The following SGIP1 variants were observed in gnomAD, a reference collection of about 807,000 sequenced individuals.
SGIP1 encodes SH3GL interacting endocytic adaptor 1.
SGIP1 carries 38 observed loss-of-function variants against 107.5 expected under a neutral mutation model. That is an observed-to-expected ratio of 0.35 (90% CI 0.27 to 0.46). SGIP1 has a LOEUF of 0.46. Ranked by LOEUF, SGIP1 falls within the 20% of genes least tolerant of loss-of-function variation. The pLI, the probability that SGIP1 is intolerant of heterozygous loss-of-function variation, is 1.00. For synonymous variants in SGIP1, 365 were observed against 366.1 expected, an observed-to-expected ratio of 1.00 and a Z score of 0.03; for missense variants, 929 against 1,019.5, an observed-to-expected ratio of 0.91 and a Z score of 1.21.
chr1:66,601,304 G>T (rs1463310521), intron 1 of SGIP1, among the ~76,000 whole-genome samples: 1 of 152,164 alleles, frequency 6.6e-6, no homozygotes, highest in East Asian at 1.9e-4. Flanking sequence ...GGCGGAGCTT[G>T]CAGTGAGCCG....
intron 1 of SGIP1, among the ~76,000 whole-genome samples, chr1:66,601,663 C>T (rs765351567): frequency 3.9e-5 from 6 of 152,028 alleles, no homozygotes; most frequent in Non-Finnish European, 7.4e-5. Flanking sequence ...AAAACATGTT[C>T]CACTGGACCC....
intron 8 of SGIP1, among the ~76,000 whole-genome samples, chr1:66,661,385 C>G (rs1438684287): frequency 1.3e-5 from 2 of 152,118 alleles, no homozygotes; most frequent in African/African-American, 4.8e-5. Context: ...TTATGCTTCC[C>G]GCTGACCAAA....
At chr1:66,686,449 G>T (rs2088300174) in intron 15 of SGIP1, among the ~76,000 whole-genome samples, 1 of 152,014 alleles carries the variant, frequency 6.6e-6, no homozygotes, top group African/African-American at 2.4e-5. Context: ...TCATTTTCCA[G>T]CATTGTTCTG....
intron 1 of SGIP1, among the ~76,000 whole-genome samples, chr1:66,561,441 C>G (rs10493411): frequency 0.14 from 21,880 of 151,962 alleles, 1,994 homozygotes; most frequent in East Asian, 0.32. Context: ...TACTCTATAT[C>G]AGAAAATGTG....
chr1:66,694,304 G>A, intron 17 of SGIP1: 3 of 656,362 alleles, frequency 4.6e-6, no homozygotes, highest in East Asian at 3.0e-5. Flanking sequence ...CATAATTCCA[G>A]TGTTTTCAGT....
chr1:66,677,731 T>A (rs1364238754), intron 13 of SGIP1, among the ~76,000 whole-genome samples: 1 of 152,218 alleles, frequency 6.6e-6, no homozygotes, highest in Non-Finnish European at 1.5e-5. Flanking sequence ...GGATTGTTCA[T>A]CAGGTAAAGC....
At position 66,577,242 on chromosome 1, in the gene SGIP1, G is replaced by A. The variant is rs545794277; in HGVS notation, c.10+42874G>A. The stretch of plus-strand genomic sequence containing the variant: ...GAAGGCCTTTCTTGGTCTCTGTTCT[G>A]GACCTCCTTTCCCACTCAGTTCATG... On this transcript the variant is annotated intron_variant, in intron 1 of 24. Coordinates refer to ENST00000371037, the MANE Select transcript of SGIP1 (RefSeq NM_032291.4). 9.2e-5 allele frequency among the ~76,000 whole-genome samples: 14 copies of A among 152,114 alleles called. No homozygotes were observed. In the South Asian group the frequency reaches 2.7e-3, roughly 29 times the overall value.
At chr1:66,742,626 C>T (rs1228035878) in intron 24 of SGIP1, among the ~76,000 whole-genome samples, 2 of 150,096 alleles carry the variant, frequency 1.3e-5, no homozygotes, top group South Asian at 2.1e-4. Flanking sequence ...CCCACCACCA[C>T]GCCCGGCTAA....
intron 1 of SGIP1, among the ~76,000 whole-genome samples, chr1:66,621,155 C>T (rs531360209): frequency 6.6e-6 from 1 of 152,298 alleles, no homozygotes; most frequent in African/African-American, 2.4e-5. Context: ...ACTTCTGATA[C>T]ATGAGTGAGA....
chr1:66,666,606 A>G (rs1424398027), intron 8 of SGIP1: 1 of 152,544 alleles, frequency 6.6e-6, no homozygotes, highest in African/African-American at 2.4e-5. Flanking sequence ...ATCCATGAGC[A>G]TGGAATGTTC....
At chr1:66,570,790 T>A (rs1384946866) in intron 1 of SGIP1, among the ~76,000 whole-genome samples, 1 of 151,936 alleles carries the variant, frequency 6.6e-6, no homozygotes, top group Non-Finnish European at 1.5e-5. Context: ...AAACTTGTAG[T>A]AAATTTCCAG....
chr1:66,574,159 T>A (rs370207609), intron 1 of SGIP1, among the ~76,000 whole-genome samples: 2 of 152,086 alleles, frequency 1.3e-5, no homozygotes, highest in East Asian at 3.9e-4. Flanking sequence ...ATCTCTAAGA[T>A]CTCAGAGTCC....
chr1:66,705,066 G>C (rs2092366948), intron 18 of SGIP1, among the ~76,000 whole-genome samples: 1 of 152,160 alleles, frequency 6.6e-6, no homozygotes, highest in Admixed American at 6.5e-5. Context: ...ATTAACATAA[G>C]TCACTGTCCT....
chr1:66,636,882 C>T (rs566892007), intron 4 of SGIP1, among the ~76,000 whole-genome samples: 1 of 152,186 alleles, frequency 6.6e-6, no homozygotes, highest in Non-Finnish European at 1.5e-5. Flanking sequence ...ATCTATTTAG[C>T]CCATCATGTT....
At position 66,738,839 on chromosome 1, in the gene SGIP1, T is replaced by G. The variant is rs539362711; in HGVS notation, c.2032-496T>G. On this transcript the variant is annotated intron_variant, in intron 21 of 24. Transcript: ENST00000371037. Reference sequence around the variant, plus strand: ...ATAGGTGACATTTATCAAAATGTATTCCTAGTGTGTGCTAGGCATCCTGCT... The same window carrying G: ...ATAGGTGACATTTATCAAAATGTATGCCTAGTGTGTGCTAGGCATCCTGCT... Among the ~76,000 whole-genome samples, 17 of 152,332 alleles carry G rather than the reference T, an allele frequency of 1.1e-4. No individual in the cohort carries two copies. The South Asian group carries it at 2.3e-3, about 20-fold the overall frequency.
rs550648854 is a variant in SGIP1 at position 66,746,597 on chromosome 1, C to T, written c.*3502C>T. The T allele has an allele frequency of 1.4e-4, 21 of 152,216 alleles. No individual in the cohort carries two copies. The East Asian group carries it at 4.1e-3, about 29-fold the overall frequency. The allele number at this position is 152,216 out of a possible 1,614,324, so 9.4% of individuals were successfully genotyped here. On this transcript the variant is annotated 3_prime_UTR_variant, in exon 25 of 25. Coordinates refer to ENST00000371037, the MANE Select transcript of SGIP1 (RefSeq NM_032291.4). ...GTACCAGTCACTAGAGATATTAGCT[C>T]ATTTAATTCTCTTATCAATCAAAAA...
chr1:66,694,521 G>A, intron 17 of SGIP1: 2 of 1,571,660 alleles, frequency 1.3e-6, no homozygotes, highest in Non-Finnish European at 1.7e-6. Context: ...TGCTAGCCAA[G>A]TGATCTCTAG....
Position 66,682,055 on chromosome 1 carries a change from T to C in SGIP1, c.1001T>C (p.Val334Ala). ...GAGTTGACTCCAAGGGAAAAAGTGGTGTCCCCACCAGCTACACCAGACAAC... is the reference window on the plus strand; with the variant it reads ...GAGTTGACTCCAAGGGAAAAAGTGGCGTCCCCACCAGCTACACCAGACAAC... ...TPELTPREKV[V>A]SPPATPDNPA... Residue 334 changes from valine (V) to alanine (A), a missense_variant, in exon 15 of 25, where the codon GTG (valine) becomes GCG (alanine). By Grantham distance (64) the Val-to-Ala change is moderately conservative (BLOSUM62 0). Around this residue, in one of 2 missense-constraint regions of SGIP1, gnomAD observed 588 missense variants for 588.6 expected, o/e 1.00. Coordinates refer to ENST00000371037, the MANE Select transcript of SGIP1 (RefSeq NM_032291.4). 1.9e-6 allele frequency: 3 copies of C among 1,614,164 alleles called. No individual in the cohort carries two copies. The highest frequency in any genetic ancestry group is 2.5e-6 in the Non-Finnish European group (3 of 1,180,032).
intron 17 of SGIP1, among the ~76,000 whole-genome samples, chr1:66,692,031 C>A (rs957871550): frequency 3.3e-5 from 5 of 151,958 alleles, no homozygotes; most frequent in Non-Finnish European, 7.4e-5. Flanking sequence ...TGGTGGTGGG[C>A]GCCTGTAGTC....
Sources: allele counts gnomAD v4.1 joint callset (sites outside exome capture counted in the v4.1 genomes callset), GRCh38; gene constraint gnomAD v4.1.1; regional missense constraint gnomAD v4.1.1; transcripts MANE v1.5; gene names NCBI Gene and HGNC (gene_info 2026-07-23, HGNC 2026-07-21).